Variants in NFIB observed in about 807,000 individuals in gnomAD.
NFIB encodes nuclear factor I B, also known as nuclear factor 1 B-type.
In NFIB, 11 loss-of-function variants were observed where a neutral mutation model predicts 61.5. That is an observed-to-expected ratio of 0.18 (90% CI 0.11 to 0.30). The LOEUF (loss-of-function observed/expected upper bound fraction) is 0.30. Ranked by LOEUF, NFIB falls within the 10% of genes least tolerant of loss-of-function variation. The pLI, the probability that NFIB is intolerant of heterozygous loss-of-function variation, is 1.00. For synonymous variants in NFIB, 260 were observed against 216.5 expected (o/e 1.20, Z -1.76); for missense variants, 471 against 608.9 (o/e 0.77, Z 2.38).
At chr9:14,115,384 C>T (rs889532313) in intron 9 of NFIB, among the ~76,000 whole-genome samples, 6 of 152,156 alleles carry the variant, frequency 3.9e-5, no homozygotes, top group Non-Finnish European at 7.3e-5. Flanking sequence ...TTCTACTTCA[C>T]CAATTTGTAC....
intron 4 of NFIB, among the ~76,000 whole-genome samples, chr9:14,151,764 C>A (rs1378182236): frequency 6.6e-6 from 1 of 151,984 alleles, no homozygotes; most frequent in Non-Finnish European, 1.5e-5. Context: ...GAATAGTTTC[C>A]ATTTCTTTAC....
At chr9:14,359,382 A>G (rs1346228085) in intron 1 of NFIB, among the ~76,000 whole-genome samples, 1 of 152,226 alleles carries the variant, frequency 6.6e-6, no homozygotes, top group African/African-American at 2.4e-5. Flanking sequence ...CAGACACACC[A>G]AAGAGACATA....
chr9:14,167,507 C>G (rs546876834), intron 3 of NFIB, among the ~76,000 whole-genome samples: 3 of 152,130 alleles, frequency 2.0e-5, no homozygotes, highest in African/African-American at 7.2e-5. Context: ...CACTCCAGAC[C>G]GGGCAACAGA....
the NFIB span, among the ~76,000 whole-genome samples, chr9:14,472,957 T>C: frequency 6.6e-6 from 1 of 152,234 alleles, no homozygotes; most frequent in East Asian, 1.9e-4. Context: ...AGAATTATTT[T>C]AGTTATCATT....
At chr9:14,480,832 C>A in the NFIB span, among the ~76,000 whole-genome samples, 135 of 152,234 alleles carry the variant, frequency 8.9e-4, no homozygotes, top group Non-Finnish European at 1.6e-3. Flanking sequence ...GTGCCTTTAA[C>A]CATATCCTCT....
At chr9:14,253,754 G>T (rs141646123) in intron 2 of NFIB, among the ~76,000 whole-genome samples, 20 of 152,260 alleles carry the variant, frequency 1.3e-4, no homozygotes, top group African/African-American at 4.3e-4. Flanking sequence ...TAACCTGGGT[G>T]CTGCCTCTAG....
At chr9:14,291,148 G>A (rs1171695312) in intron 2 of NFIB, among the ~76,000 whole-genome samples, 3 of 152,062 alleles carry the variant, frequency 2.0e-5, no homozygotes, top group African/African-American at 7.2e-5. Flanking sequence ...CACACACAGG[G>A]CATTTCTAAA....
At chr9:14,171,076 G>C (rs77215461) in intron 3 of NFIB, among the ~76,000 whole-genome samples, 1,954 of 152,286 alleles carry the variant, frequency 0.013, 40 homozygotes, top group African/African-American at 0.042. Context: ...TGAAAGGAGA[G>C]TACTGTGTTG....
chr9:14,146,459 T>A (rs372512860), intron 6 of NFIB, among the ~76,000 whole-genome samples: 11 of 152,232 alleles, frequency 7.2e-5, no homozygotes, highest in African/African-American at 2.2e-4. Flanking sequence ...TTCTAAAATA[T>A]CATTTTGTCT....
At chr9:14,247,065 C>G (rs2055020236) in intron 2 of NFIB, among the ~76,000 whole-genome samples, 1 of 152,054 alleles carries the variant, frequency 6.6e-6, no homozygotes, top group Admixed American at 6.6e-5. Flanking sequence ...ACGAAGAGAG[C>G]CCTCACCAGA....
At chr9:14,134,332 C>A (rs1427937059) in intron 6 of NFIB, among the ~76,000 whole-genome samples, 1 of 152,100 alleles carries the variant, frequency 6.6e-6, no homozygotes, top group Non-Finnish European at 1.5e-5. Flanking sequence ...AGTAATTCTA[C>A]AGTAGGAATG....
chr9:14,487,338 G>A, the NFIB span, among the ~76,000 whole-genome samples: 2 of 152,178 alleles, frequency 1.3e-5, no homozygotes, highest in African/African-American at 4.8e-5. Context: ...TTTGCATCCT[G>A]GTTACCCTTT....
intron 1 of NFIB, among the ~76,000 whole-genome samples, chr9:14,337,614 T>G (rs1403584523): frequency 6.6e-6 from 1 of 152,218 alleles, no homozygotes; most frequent in African/African-American, 2.4e-5. Flanking sequence ...AGTTCTCATT[T>G]TCTAACCCTG....
At chr9:14,390,976 A>G (rs111421014) in intron 1 of NFIB, among the ~76,000 whole-genome samples, 2 of 152,230 alleles carry the variant, frequency 1.3e-5, no homozygotes, top group South Asian at 2.1e-4. Flanking sequence ...ATATAACAAA[A>G]TGATTGCATA....
At chr9:14,506,629 G>C in the NFIB span, among the ~76,000 whole-genome samples, 15 of 152,140 alleles carry the variant, frequency 9.9e-5, no homozygotes, top group Admixed American at 9.8e-4. Context: ...TTGAAAATGT[G>C]AGTATGTAGG....
intron 1 of NFIB, among the ~76,000 whole-genome samples, chr9:14,340,094 C>A (rs546859824): frequency 6.6e-6 from 1 of 152,148 alleles, no homozygotes; most frequent in Non-Finnish European, 1.5e-5. Context: ...GTGACAGAAC[C>A]TGAATTGTAA....
At chr9:14,438,239 G>C in the NFIB span, among the ~76,000 whole-genome samples, 2 of 152,158 alleles carry the variant, frequency 1.3e-5, no homozygotes, top group Admixed American at 1.3e-4. Context: ...AAATAAGATA[G>C]CTGAAAGCAG....
the NFIB span, among the ~76,000 whole-genome samples, chr9:14,489,175 T>C: frequency 6.6e-6 from 1 of 152,232 alleles, no homozygotes; most frequent in Non-Finnish European, 1.5e-5. Flanking sequence ...AGAAGATCTA[T>C]AGTTTTATCC....
chr9:14,461,683 G>C, the NFIB span, among the ~76,000 whole-genome samples: 4 of 152,208 alleles, frequency 2.6e-5, no homozygotes, highest in Non-Finnish European at 5.9e-5. Context: ...AGAATCCTGT[G>C]AAGTGGGCTG....
Sources: gnomAD v4.1 joint callset for allele counts (sites outside exome capture counted in the v4.1 genomes callset) on GRCh38, gnomAD v4.1.1 for gene constraint, MANE v1.5 for transcripts, NCBI Gene and HGNC (gene_info 2026-07-23, HGNC 2026-07-21) for gene names.